The following WDR72 variants were observed in gnomAD, a reference collection of about 807,000 sequenced individuals.
WDR72 encodes the protein WD repeat-containing protein 72.
A neutral mutation model predicts 124.2 loss-of-function variants in WDR72; 120 were observed. The observed-to-expected ratio is 0.97, with a 90% confidence interval of 0.83 to 1.12. The LOEUF (loss-of-function observed/expected upper bound fraction) is 1.12, where lower values mean the gene tolerates loss of function less well. Among genes scored for constraint, WDR72 ranks in the 50% most tolerant of loss-of-function variants. WDR72 has a pLI of 0.00. For synonymous variants in WDR72, 452 were observed against 441.7 expected (o/e 1.02, Z -0.29); for missense variants, 1,387 against 1,278.8 (o/e 1.08, Z -1.29).
intron 3 of WDR72, among the ~76,000 whole-genome samples, chr15:53,721,651 T>C (rs770656099): frequency 1.7e-4 from 26 of 152,238 alleles, no homozygotes; most frequent in Non-Finnish European, 3.5e-4. Flanking sequence ...AACTATTCTG[T>C]TTATACAAGC....
At chr15:53,518,644 C>T (rs1891602977) in intron 19 of WDR72, among the ~76,000 whole-genome samples, 1 of 151,894 alleles carries the variant, frequency 6.6e-6, no homozygotes, top group African/African-American at 2.4e-5. Context: ...GCTGCTCACA[C>T]ATTCCACATT....
rs1368414840 is a variant in WDR72, at chr15:53,517,463, T to G, written c.*236A>C. ...AGTAAGAAACAGGAATAGAGAATGA[T>G]CTAGGCAATATTTTTCTAAAATTAG... On this transcript the variant is annotated 3_prime_UTR_variant, in exon 20 of 20. Transcript: ENST00000360509. 2.0e-6 allele frequency: 1 copy of G among 498,806 alleles called. No individual in the cohort carries two copies. The highest frequency in any genetic ancestry group is 3.6e-6 in the Non-Finnish European group (1 of 275,028). 30.9% of individuals were successfully genotyped at this position (498,806 alleles called of 1,614,324 possible). A position where few individuals can be genotyped will look rare whatever the true frequency, so the allele number is the denominator to read the frequency against.
chr15:53,691,770 A>T (rs2016853682), intron 13 of WDR72, among the ~76,000 whole-genome samples: 2 of 152,214 alleles, frequency 1.3e-5, no homozygotes, highest in Admixed American at 1.3e-4. Context: ...TATTACCATG[A>T]GGAAACTAGG....
chr15:53,622,764 A>C (rs1262987893), intron 14 of WDR72, among the ~76,000 whole-genome samples: 1 of 151,622 alleles, frequency 6.6e-6, no homozygotes, highest in Non-Finnish European at 1.5e-5. Flanking sequence ...TACATCCTGC[A>C]TATGTATCCC....
intron 17 of WDR72, among the ~76,000 whole-genome samples, chr15:53,604,746 T>C (rs948907649): frequency 5.3e-5 from 8 of 152,084 alleles, no homozygotes; most frequent in Non-Finnish European, 4.4e-5. Flanking sequence ...CACTAATCAC[T>C]GGAGAAATGC....
chr15:53,608,345 A>C (rs2013378697), intron 17 of WDR72, among the ~76,000 whole-genome samples: 1 of 152,218 alleles, frequency 6.6e-6, no homozygotes, highest in South Asian at 2.1e-4. Flanking sequence ...GTTATAAAAA[A>C]AATGAGATCC....
chr15:53,562,781 A>C (rs532659304), intron 18 of WDR72, among the ~76,000 whole-genome samples: 2 of 151,932 alleles, frequency 1.3e-5, no homozygotes, highest in South Asian at 4.1e-4. Flanking sequence ...TCTTTTCTCC[A>C]CAAAGTTATA....
intron 18 of WDR72, among the ~76,000 whole-genome samples, chr15:53,590,697 G>A (rs1436787951): frequency 6.6e-6 from 1 of 152,006 alleles, no homozygotes; most frequent in East Asian, 1.9e-4. Flanking sequence ...TCTGCCACTT[G>A]TTGGAAATAA....
chr15:53,684,550 G>T (rs928793346), intron 13 of WDR72: 2 of 160,232 alleles, frequency 1.2e-5, no homozygotes, highest in Admixed American at 6.5e-5. Context: ...ACCTGGCTCG[G>T]AGGGTCCTAC....
intron 12 of WDR72, 119 bp downstream of exon 12, chr15:53,702,015 C>T: frequency 1.5e-6 from 1 of 661,474 alleles, no homozygotes; most frequent in Non-Finnish European, 2.5e-6. Context: ...ATTATAAGTA[C>T]ATAGAACTCA....
At chr15:53,714,021 A>C (rs1311337216) in intron 6 of WDR72, among the ~76,000 whole-genome samples, 2 of 152,144 alleles carry the variant, frequency 1.3e-5, no homozygotes, top group Non-Finnish European at 2.9e-5. Context: ...GCCTGATGCC[A>C]GTGAATAGAT....
In WDR72 at chr15:53,716,598, T is replaced by C. The variant is rs690337; in HGVS notation, c.339+9A>G. ...CTAGAAATGCCCTGAAGGAAGTGAG[T>C]GTACTTACACAGATTGCAGTGTGCC... On this transcript the variant is annotated intron_variant, in intron 4 of 19. Transcript: ENST00000360509. The C allele has an allele frequency of 0.75, 1,180,587 of 1,567,246 alleles. 446,002 individuals carry two copies. Among genetic ancestry groups the C allele is most frequent in the South Asian group, 0.8 (71,835 of 90,128 alleles).
chr15:53,677,590 G>T (rs1454061699), intron 13 of WDR72, among the ~76,000 whole-genome samples: 1 of 152,078 alleles, frequency 6.6e-6, no homozygotes, highest in Non-Finnish European at 1.5e-5. Flanking sequence ...TAGTCTGGTG[G>T]TTTTATAAAG....
chr15:53,602,173 G>A (rs1376865685), intron 17 of WDR72, among the ~76,000 whole-genome samples: 1 of 152,046 alleles, frequency 6.6e-6, no homozygotes, highest in Non-Finnish European at 1.5e-5. Context: ...TAGAACTCAA[G>A]ACTAAGAAAT....
At chr15:53,539,307 A>G (rs965421292) in intron 18 of WDR72, among the ~76,000 whole-genome samples, 6 of 152,180 alleles carry the variant, frequency 3.9e-5, no homozygotes, top group Admixed American at 1.3e-4. Flanking sequence ...TAAGCACTAA[A>G]TATACATTTA....
chr15:53,729,790 T>C (rs2018147689), intron 2 of WDR72, among the ~76,000 whole-genome samples: 2 of 150,560 alleles, frequency 1.3e-5, no homozygotes, highest in African/African-American at 5.0e-5. Context: ...CCCATTAGAA[T>C]GGCTATTACA....
At chr15:53,748,636 T>G (rs690314) in intron 1 of WDR72, among the ~76,000 whole-genome samples, 10,295 of 152,196 alleles carry the variant, frequency 0.068, 642 homozygotes, top group African/African-American at 0.17. Flanking sequence ...TAGTTGATGA[T>G]CCTTTCTTTC....
At chr15:53,533,711 T>A (rs1892606407) in intron 18 of WDR72, among the ~76,000 whole-genome samples, 1 of 152,130 alleles carries the variant, frequency 6.6e-6, no homozygotes, top group Non-Finnish European at 1.5e-5. Flanking sequence ...CTGCTCACTG[T>A]CCCCTGGATA....
rs576022504 is a variant in WDR72, at chr15:53,697,307, G to A, written c.1765+2443C>T. 2.6e-5 allele frequency among the ~76,000 whole-genome samples: 4 copies of A among 152,258 alleles called. No homozygotes were observed. The South Asian group carries it at 8.3e-4, about 32-fold the overall frequency. ...GTCCTTCCTTTTTTGTGCACAGGGA[G>A]GCTGATGCCCAGAACTGAATGCCCT... On this transcript the variant is annotated intron_variant, in intron 13 of 19. Coordinates refer to ENST00000360509, the MANE Select transcript of WDR72 (RefSeq NM_182758.4).
Sources: gnomAD v4.1 joint callset for allele counts (sites outside exome capture counted in the v4.1 genomes callset) on GRCh38, gnomAD v4.1.1 for gene constraint, MANE v1.5 for transcripts, NCBI Gene and HGNC (gene_info 2026-07-23, HGNC 2026-07-21) for gene names.